Variants in ZC3H12D observed in about 807,000 individuals in gnomAD.
The protein encoded by ZC3H12D is zinc finger CCCH-type containing 12D.
A neutral mutation model predicts 24.2 loss-of-function variants in ZC3H12D; 11 were observed. That is an observed-to-expected ratio of 0.46 (90% confidence interval 0.29 to 0.75). ZC3H12D has a LOEUF of 0.75. Ranked by LOEUF, ZC3H12D falls within the 30% of genes least tolerant of loss-of-function variation. The pLI, the probability that ZC3H12D is intolerant of heterozygous loss-of-function variation, is 0.11. For missense variants in ZC3H12D, 740 were observed against 767.7 expected, an observed-to-expected ratio of 0.96 and a Z score of 0.43; for synonymous variants, 333 against 341.8, an observed-to-expected ratio of 0.97 and a Z score of 0.28.
At chr6:149,461,758 T>A (rs1776075753) in intron 3 of ZC3H12D, 73 bp downstream of exon 3, 2 of 1,439,316 alleles carry the variant, frequency 1.4e-6, no homozygotes, top group Non-Finnish European at 1.9e-6. Flanking sequence ...AGTAGATATT[T>A]GACTATCGAT....
chr6:149,451,587 A>C, intron 5 of ZC3H12D, 108 bp from the exon 6 acceptor site: 1 of 1,010,732 alleles, frequency 9.9e-7, no homozygotes, highest in Non-Finnish European at 1.4e-6. Flanking sequence ...CTCCGTGGAG[A>C]TTCCTCCAAG....
At chr6:149,460,549 C>T (rs2341771) in intron 3 of ZC3H12D, among the ~76,000 whole-genome samples, 2,912 of 152,072 alleles carry the variant, frequency 0.019, 198 homozygotes, top group Admixed American at 0.13. Flanking sequence ...CAAAAACTAG[C>T]TAGGGCAGGG....
In ZC3H12D at chr6:149,450,896, C is replaced by T; in HGVS notation, c.1371G>A (p.Trp457Ter). 1 of 1,540,888 alleles carries T rather than the reference C, an allele frequency of 6.5e-7. No homozygotes were observed. Among genetic ancestry groups the T allele is most frequent in the Non-Finnish European group, 8.7e-7 (1 of 1,146,394 alleles). The change falls in exon 6 of 6, where the codon TGG becomes TGA. Residue 457 changes from tryptophan to a stop codon, truncating the protein, a stop_gained. Coordinates refer to ENST00000409806, the MANE Select transcript of ZC3H12D (RefSeq NM_207360.3). LOFTEE classifies it low-confidence loss of function (END_TRUNC). ...PGRSVWAEPA[W>*]GDGATGGLSV... ...AAAGTCCCCCAGTGGCGCCGTCGCCCCAGGCCGGCTCCGCCCAGACGGAGC... is the reference window on the plus strand; with the variant it reads ...AAAGTCCCCCAGTGGCGCCGTCGCCTCAGGCCGGCTCCGCCCAGACGGAGC...
chr6:149,456,699 T>C lies in ZC3H12D; in HGVS notation c.647A>G (p.Gln216Arg). ...ENPEWKWFIE[Q>R]RLLMFSFVND... ...GACGAAGGAGAACATGAGCAGCCTC[T>C]GCTCGATGAACCACTTCCACTCGGG... The change falls in exon 4 of 6, where the codon CAG becomes CGG. Residue 216 changes from glutamine to arginine, a missense_variant. Gln to Arg is a conservative substitution (Grantham distance 43). Coordinates refer to ENST00000409806, the MANE Select transcript of ZC3H12D (RefSeq NM_207360.3). The surrounding 1 kb of genome is among the most constrained non-coding windows in gnomAD (Gnocchi z 4.3). The C allele has an allele frequency of 6.3e-7, 1 of 1,597,778 alleles. No homozygotes were observed. The highest frequency in any genetic ancestry group is 2.3e-5 in the East Asian group (1 of 43,670).
intron 2 of ZC3H12D, among the ~76,000 whole-genome samples, chr6:149,463,407 T>C (rs1239022876): frequency 6.6e-6 from 1 of 152,198 alleles, no homozygotes; most frequent in African/African-American, 2.4e-5. Context: ...TGCGTTGTGA[T>C]GATTCAAAAA....
At chr6:149,462,928 C>T (rs1004019413) in intron 2 of ZC3H12D, among the ~76,000 whole-genome samples, 1 of 152,196 alleles carries the variant, frequency 6.6e-6, no homozygotes. Flanking sequence ...CTTGGACTGG[C>T]TTCCTTGCTC....
intron 2 of ZC3H12D, among the ~76,000 whole-genome samples, chr6:149,467,490 G>A (rs1776181124): frequency 6.6e-6 from 1 of 152,188 alleles, no homozygotes; most frequent in South Asian, 2.1e-4. Flanking sequence ...CTGGCCCCAG[G>A]TGATCCTCCC....
In ZC3H12D at chr6:149,450,850, C is replaced by G. The variant is rs1053018695; in HGVS notation, c.1417G>C (p.Asp473His). The G allele has an allele frequency of 2.6e-6, 4 of 1,543,970 alleles. No homozygotes were observed. The highest frequency in any genetic ancestry group is 1.4e-5 in the African/African-American group (1 of 73,040). ...GCCCGGGCGCGCGCGTCCCCCTCGT[C>G]GTCCTCGGTCGCGTACACTGAAAGT... The part of the protein sequence containing the change: ...GGLSVYATED[D>H]EGDARARARI... Residue 473 changes from aspartate (D) to histidine (H), a missense_variant, in exon 6 of 6, where the codon GAC becomes CAC. Asp to His is a moderately conservative substitution (Grantham distance 81). Coordinates refer to ENST00000409806, the MANE Select transcript of ZC3H12D (RefSeq NM_207360.3).
intron 2 of ZC3H12D, among the ~76,000 whole-genome samples, chr6:149,471,033 C>G (rs1316020756): frequency 6.6e-6 from 1 of 152,224 alleles, no homozygotes; most frequent in Non-Finnish European, 1.5e-5. Context: ...TACCAGGTCC[C>G]CATCTTCCAC....
intron 2 of ZC3H12D, among the ~76,000 whole-genome samples, chr6:149,473,698 G>A (rs1776284376): frequency 6.6e-6 from 1 of 152,190 alleles, no homozygotes. Context: ...AACCCCAGCA[G>A]AGGGCTTCCA....
At chr6:149,461,630 T>C in intron 3 of ZC3H12D, 1 of 405,850 alleles carries the variant, frequency 2.5e-6, no homozygotes, top group East Asian at 4.2e-5. Context: ...ACTTGTTGAA[T>C]ACCAGGTGTT....
At chr6:149,468,058 C>G (rs535977122) in intron 2 of ZC3H12D, among the ~76,000 whole-genome samples, 60 of 152,202 alleles carry the variant, frequency 3.9e-4, no homozygotes, top group Middle Eastern at 6.8e-3. Flanking sequence ...CTCAGCTCAC[C>G]ACAACCTCCA....
chr6:149,455,954 T>TAA lies in ZC3H12D; in HGVS notation c.680+710_680+711dup, dbSNP rs368705273. On this transcript the variant is annotated intron_variant, in intron 4 of 5. Transcript: ENST00000409806. The stretch of plus-strand genomic sequence containing the variant: ...CCATATGTAATTCAAAATTTTGATT[T>TAA]AAAAAAAAAAAAAAGACAGCCAGGC... Among the ~76,000 whole-genome samples the TAA allele has an allele frequency of 5.5e-3, 782 of 141,908 alleles. 6 individuals carry two copies. The highest frequency in any genetic ancestry group is 0.018 in the African/African-American group (698 of 38,486). The allele number at this position is 141,908 out of a possible 152,430, so 93.1% of individuals were successfully genotyped here. A position where few individuals can be genotyped will look rare whatever the true frequency, so the allele number is the denominator to read the frequency against.
At chr6:149,482,838 G>A (rs545371754) in intron 1 of ZC3H12D, among the ~76,000 whole-genome samples, 10 of 152,262 alleles carry the variant, frequency 6.6e-5, no homozygotes, top group South Asian at 2.1e-4. Flanking sequence ...GGCAAAGAGC[G>A]GCTTTGGTGA....
In ZC3H12D at chr6:149,473,469, C is replaced by T. The variant is rs191662413; in HGVS notation, c.305+770G>A. ...TAGAATAATCCACTTGTTTGGGCAA[C>T]GCCCCACTTCGCCCAGCAGGGTGTT... On this transcript the variant is annotated intron_variant, in intron 2 of 5. Coordinates refer to ENST00000409806, the MANE Select transcript of ZC3H12D (RefSeq NM_207360.3). 1.6e-3 allele frequency among the ~76,000 whole-genome samples: 247 copies of T among 152,352 alleles called. 1 individual carries two copies. The highest frequency in any genetic ancestry group is 5.4e-3 in the African/African-American group (225 of 41,584).
chr6:149,472,863 C>T (rs1299315376), intron 2 of ZC3H12D, among the ~76,000 whole-genome samples: 1 of 152,120 alleles, frequency 6.6e-6, no homozygotes, highest in Non-Finnish European at 1.5e-5. Context: ...AGGTTCCTTG[C>T]TCAGATCATA....
Position 149,451,274 on chromosome 6 carries a change from C to A in ZC3H12D, c.993G>T (p.Pro331=), listed in dbSNP as rs1775889615. The change falls in exon 6 of 6, where the codon CCG becomes CCT. Residue 331 remains proline (P), a synonymous_variant. Coordinates refer to ENST00000409806, the MANE Select transcript of ZC3H12D (RefSeq NM_207360.3). ...APREPFAHSL[P]PARGSPDLAA... is the part of the protein sequence containing the mutation. ...CCAGGTCCGGGGACCCCCGCGCCGG[C>A]GGGAGGCTGTGCGCAAATGGTTCCC... The A allele has an allele frequency of 7.7e-7, 1 of 1,302,766 alleles. No homozygotes were observed. Among genetic ancestry groups the A allele is most frequent in the Non-Finnish European group, 9.7e-7 (1 of 1,032,522 alleles). 80.7% of individuals were successfully genotyped at this position (1,302,766 alleles called of 1,614,324 possible). A position where few individuals can be genotyped will look rare whatever the true frequency, so the allele number is the denominator to read the frequency against.
chr6:149,457,005 T>G, intron 3 of ZC3H12D, 105 bp from the exon 4 acceptor site: 8 of 1,132,182 alleles, frequency 7.1e-6, no homozygotes, highest in Non-Finnish European at 9.9e-6. Flanking sequence ...CAGATGAGGT[T>G]TTGAGGGGAG....
intron 3 of ZC3H12D, among the ~76,000 whole-genome samples, chr6:149,460,039 G>A (rs412894): frequency 0.65 from 98,244 of 152,012 alleles, 34,133 homozygotes; most frequent in African/African-American, 0.9. Context: ...GTAGTGTGAC[G>A]TGTGACTCAT....
Sources: allele counts gnomAD v4.1 joint callset (sites outside exome capture counted in the v4.1 genomes callset), GRCh38; gene constraint gnomAD v4.1.1; non-coding constraint Gnocchi (gnomAD v3.1); transcripts MANE v1.5; gene names NCBI Gene and HGNC (gene_info 2026-07-23, HGNC 2026-07-21).